Variants in GTPBP4 observed in about 807,000 individuals in gnomAD.
GTPBP4 encodes GTP-binding protein 4.
A neutral mutation model predicts 81.7 loss-of-function variants in GTPBP4; 15 were observed. The ratio of observed to expected loss-of-function variants is 0.18; its 90% CI spans 0.12 to 0.28. The LOEUF (loss-of-function observed/expected upper bound fraction) is 0.28, where lower values mean the gene tolerates loss of function less well. GTPBP4 is among the 10% of genes least tolerant of loss of function. GTPBP4 has a pLI of 1.00. For synonymous variants in GTPBP4, 272 were observed against 274.6 expected, an observed-to-expected ratio of 0.99 and a Z score of 0.09; for missense variants, 847 against 793.8, an observed-to-expected ratio of 1.07 and a Z score of -0.81.
chr10:990,488 T>C (rs1206279663), intron 1 of GTPBP4, among the ~76,000 whole-genome samples: 2 of 152,010 alleles, frequency 1.3e-5, no homozygotes, highest in African/African-American at 2.4e-5. Flanking sequence ...TTTGGGAGGC[T>C]GAGGCGGGCA....
intron 2 of GTPBP4, among the ~76,000 whole-genome samples, chr10:992,941 A>G (rs1831471347): frequency 6.6e-6 from 1 of 152,212 alleles, no homozygotes; most frequent in African/African-American, 2.4e-5. Flanking sequence ...CTGGGCTTGC[A>G]GGTGCCAACC....
intron 1 of GTPBP4, among the ~76,000 whole-genome samples, chr10:991,795 A>C (rs556839286): frequency 7.3e-6 from 1 of 136,336 alleles, no homozygotes; most frequent in East Asian, 2.1e-4. Context: ...TCCCGGGTTC[A>C]CGCCATTCTC....
chr10:1,015,414 G>GAGCA (rs1564472242), intron 15 of GTPBP4, among the ~76,000 whole-genome samples: 10 of 25,688 alleles, frequency 3.9e-4, no homozygotes, highest in South Asian at 3.1e-3. Context: ...GGTCCTGAGC[G>GAGCA]CTGAGCCTGG....
chr10:1,012,011 G>A (rs1224630806), intron 13 of GTPBP4, among the ~76,000 whole-genome samples: 1 of 152,204 alleles, frequency 6.6e-6, no homozygotes, highest in Non-Finnish European at 1.5e-5. Context: ...CTCATTGGGG[G>A]GTGATAAACG....
intron 10 of GTPBP4, 168 bp from the exon 11 acceptor site, chr10:1,008,790 G>A (rs185905315): frequency 2.2e-4 from 142 of 650,332 alleles, no homozygotes; most frequent in Admixed American, 3.2e-4. Flanking sequence ...AATTGGTCTC[G>A]GTATGAACCC....
chr10:997,473 G>A (rs1831555206), intron 5 of GTPBP4, among the ~76,000 whole-genome samples, 165 bp downstream of exon 5: 1 of 152,240 alleles, frequency 6.6e-6, no homozygotes, highest in Non-Finnish European at 1.5e-5. Context: ...CCTCCGAGTT[G>A]GTCCTTGAGT....
Position 996,092 on chromosome 10 carries a change from T to G in GTPBP4, c.324-14T>G. On this transcript the variant is annotated splice_polypyrimidine_tract_variant and intron_variant, in intron 3 of 16. Coordinates refer to ENST00000360803, the MANE Select transcript of GTPBP4 (RefSeq NM_012341.3). Reference sequence around the variant, plus strand: ...ATCGAAAGTGGAAAAAATAATATTTTTTATTTTTTACAGTGTTGCTAAAGA... The same window carrying G: ...ATCGAAAGTGGAAAAAATAATATTTGTTATTTTTTACAGTGTTGCTAAAGA... 6.3e-7 allele frequency: 1 copy of G among 1,588,668 alleles called. No individual in the cohort carries two copies. The highest frequency in any genetic ancestry group is 1.1e-5 in the South Asian group (1 of 89,006).
chr10:1,009,926 A>T (rs4880751), intron 12 of GTPBP4, among the ~76,000 whole-genome samples: 131,344 of 151,728 alleles, frequency 0.87, 57,364 homozygotes, highest in Non-Finnish European at 0.91. Flanking sequence ...CCCTAGGAGG[A>T]CAAGGCTGCA....
At chr10:992,451 C>G (rs749252739) in intron 1 of GTPBP4, 38 bp from the exon 2 acceptor site, 4 of 1,329,662 alleles carry the variant, frequency 3.0e-6, no homozygotes, top group Non-Finnish European at 3.2e-6. Flanking sequence ...AAAGTAGACC[C>G]TTTTGATGTA....
Position 996,010 on chromosome 10 carries a change from A to G in GTPBP4, c.301A>G (p.Ile101Val). ...HYKLALGQIN[I>V]AKNLVDNVAK... is the part of the protein sequence containing the mutation. ...CAAGTTGGCTCTGGGGCAAATAAAT[A>G]TTGCCAAAAATTTAGTGGACAAGTA... The change falls in exon 3 of 17, where the codon ATT becomes GTT. Residue 101 changes from isoleucine (I) to valine (V), a missense_variant. Physicochemically the swap from Ile to Val is conservative, Grantham distance 29. Around this residue, in one of 3 missense-constraint regions of GTPBP4, gnomAD observed 241 missense variants for 216.3 expected, o/e 1.11. Coordinates refer to ENST00000360803, the MANE Select transcript of GTPBP4 (RefSeq NM_012341.3). The G allele has an allele frequency of 1.2e-6, 2 of 1,605,984 alleles. No homozygotes were observed. Among genetic ancestry groups the G allele is most frequent in the African/African-American group, 1.3e-5 (1 of 74,922 alleles).
In GTPBP4 at chr10:1,009,519, T is replaced by G; in HGVS notation, c.1192-10T>G. 3 of 1,591,748 alleles carry G rather than the reference T, an allele frequency of 1.9e-6. No individual in the cohort carries two copies. The highest frequency in any genetic ancestry group is 2.6e-6 in the Non-Finnish European group (3 of 1,159,540). Reference sequence around the variant, plus strand: ...AATGAAGCTGATGATAATTTCTCTTTCTATTGCAGGAACGAGATCTTGAGC... The same window carrying G: ...AATGAAGCTGATGATAATTTCTCTTGCTATTGCAGGAACGAGATCTTGAGC... On this transcript the variant is annotated splice_polypyrimidine_tract_variant and intron_variant, in intron 11 of 16. Coordinates refer to ENST00000360803, the MANE Select transcript of GTPBP4 (RefSeq NM_012341.3).
chr10:998,803 G>A (rs1831576795), intron 5 of GTPBP4, among the ~76,000 whole-genome samples, 200 bp from the exon 6 acceptor site: 1 of 152,188 alleles, frequency 6.6e-6, no homozygotes, highest in African/African-American at 2.4e-5. Context: ...CCAAATGCCA[G>A]CCCTCACGCT....
intron 12 of GTPBP4, among the ~76,000 whole-genome samples, chr10:1,010,141 G>A: frequency 9.7e-6 from 1 of 103,598 alleles, no homozygotes; most frequent in Non-Finnish European, 2.2e-5. Context: ...TTGGGATGGT[G>A]GGGTGATTTC....
intron 8 of GTPBP4, among the ~76,000 whole-genome samples, chr10:1,004,645 C>T (rs769680699): frequency 2.0e-5 from 3 of 152,158 alleles, no homozygotes; most frequent in Non-Finnish European, 2.9e-5. Context: ...AGGGAGACAA[C>T]GTTCCCTGAG....
chr10:1,005,249 C>G (rs907550990), intron 8 of GTPBP4, among the ~76,000 whole-genome samples: 2 of 152,130 alleles, frequency 1.3e-5, no homozygotes. Context: ...AGGTTCACAC[C>G]ATTCTCCTGC....
rs2132177588 is a variant in GTPBP4 at position 1,016,338 on chromosome 10, C to T, written c.1752+442C>T. 3.3e-5 allele frequency among the ~76,000 whole-genome samples: 5 copies of T among 152,332 alleles called. No homozygotes were observed. The South Asian group carries it at 1.0e-3, about 32-fold the overall frequency. ...AGGATTGTTCCCCCCAGGTGGAGAG[C>T]TTGAGTCACATTTAGTTTATTTGTA... On this transcript the variant is annotated intron_variant, in intron 16 of 16. Transcript: ENST00000360803.
At chr10:1,014,785 T>A (rs191739700) in intron 15 of GTPBP4, among the ~76,000 whole-genome samples, 1 of 151,220 alleles carries the variant, frequency 6.6e-6, no homozygotes, top group Non-Finnish European at 1.5e-5. Context: ...TGACTTGAAG[T>A]GATGGGTTGA....
chr10:1,003,369 T>G (rs1871622), intron 8 of GTPBP4, among the ~76,000 whole-genome samples: 18,941 of 152,310 alleles, frequency 0.12, 1,587 homozygotes, highest in Non-Finnish European at 0.19. Flanking sequence ...AAATTATTAT[T>G]TTGAATTCTC....
intron 11 of GTPBP4, 126 bp from the exon 12 acceptor site, chr10:1,009,403 A>G: frequency 1.4e-6 from 1 of 738,968 alleles, no homozygotes; most frequent in East Asian, 2.5e-5. Flanking sequence ...CCTACCAGAA[A>G]TGGAAGGTGA....
Sources: gnomAD v4.1 joint callset for allele counts (sites outside exome capture counted in the v4.1 genomes callset) on GRCh38, gnomAD v4.1.1 for gene constraint, gnomAD v4.1.1 regional missense constraint, MANE v1.5 for transcripts, NCBI Gene and HGNC (gene_info 2026-07-23, HGNC 2026-07-21) for gene names.